The following ZFYVE28 variants were observed in gnomAD, a reference collection of about 807,000 sequenced individuals.
The protein encoded by ZFYVE28 is lateral signaling target protein 2 homolog.
Under a neutral mutation model 82.1 loss-of-function variants are expected in ZFYVE28, and 40 were observed. The observed-to-expected ratio is 0.49, with a 90% CI of 0.38 to 0.63. The LOEUF (loss-of-function observed/expected upper bound fraction) is 0.63, where lower values mean the gene tolerates loss of function less well. Ranked by LOEUF, ZFYVE28 falls within the 30% of genes least tolerant of loss-of-function variation. The pLI is 0.00. For synonymous variants in ZFYVE28, 612 were observed against 546.1 expected (o/e 1.12, Z -1.68); for missense variants, 1,321 against 1,242.1 (o/e 1.06, Z -0.96).
At chr4:2,403,455 G>A (rs920237907) in intron 1 of ZFYVE28, among the ~76,000 whole-genome samples, 3 of 152,236 alleles carry the variant, frequency 2.0e-5, no homozygotes, top group African/African-American at 7.2e-5. Context: ...CGTGGCGGGA[G>A]GACATAGCGC....
intron 8 of ZFYVE28, among the ~76,000 whole-genome samples, chr4:2,283,573 T>TCCAC (rs1712285555): frequency 6.7e-6 from 1 of 150,068 alleles, no homozygotes; most frequent in Non-Finnish European, 1.5e-5. Context: ...CAACCGTCCA[T>TCCAC]CCACCCATCC....
intron 1 of ZFYVE28, among the ~76,000 whole-genome samples, chr4:2,405,780 G>A (rs1037746568): frequency 1.3e-5 from 2 of 152,244 alleles, no homozygotes; most frequent in East Asian, 3.8e-4. Flanking sequence ...GGGCGCAGTG[G>A]CTCACGCCTA....
intron 9 of ZFYVE28, 30 bp from the exon 10 acceptor site, chr4:2,273,319 CAGA>C (rs1736085876): frequency 6.3e-7 from 1 of 1,590,482 alleles, no homozygotes; most frequent in Non-Finnish European, 8.6e-7. Flanking sequence ...GTAACCACGA[CAGA>C]AGGACGGATG....
Position 2,270,430 on chromosome 4 carries a change from C to T in ZFYVE28, c.*295G>A. ...ATAGCCCCAGCAGATCTCCGAGGGA[C>T]CAGTGGGAGGGCCCAGGCCTTCTCC... On this transcript the variant is annotated 3_prime_UTR_variant, in exon 13 of 13. Transcript: ENST00000290974. 2.2e-6 allele frequency: 1 copy of T among 459,482 alleles called. No homozygotes were observed. The highest frequency in any genetic ancestry group is 4.0e-6 in the Non-Finnish European group (1 of 249,722). The allele number at this position is 459,482 out of a possible 1,614,324, so 28.5% of individuals were successfully genotyped here. A position where few individuals can be genotyped will look rare whatever the true frequency, so the allele number is the denominator to read the frequency against.
chr4:2,324,086 A>G (rs1025341717), intron 6 of ZFYVE28, among the ~76,000 whole-genome samples: 6 of 152,344 alleles, frequency 3.9e-5, no homozygotes, highest in African/African-American at 1.4e-4. Flanking sequence ...CTAGAGAAAC[A>G]GAACAAGAGA....
intron 6 of ZFYVE28, among the ~76,000 whole-genome samples, chr4:2,324,183 C>T (rs612243): frequency 0.26 from 38,878 of 152,026 alleles, 6,002 homozygotes; most frequent in Middle Eastern, 0.39. Flanking sequence ...AGAGTTGACA[C>T]GGCAGCTCCA....
At chr4:2,396,099 CCAGCCATCCTGCAGA>C (rs1433952718) in intron 1 of ZFYVE28, among the ~76,000 whole-genome samples, 1 of 142,300 alleles carries the variant, frequency 7.0e-6, no homozygotes, top group Admixed American at 7.1e-5. Flanking sequence ...GCTGATGGGA[CCAGCCATCCTGCAGA>C]GGGGCCACAA....
In ZFYVE28 at chr4:2,271,214, G is replaced by A; in HGVS notation, c.2532+97C>T. On this transcript the variant is annotated intron_variant, in intron 12 of 12. Transcript: ENST00000290974. ...GCACAAGACCCCACAGGCCTCGCTG[G>A]CCTCCCTGGGCATCGGTTCTGACTT... 3 of 1,284,810 alleles carry A rather than the reference G, an allele frequency of 2.3e-6. No homozygotes were observed. In the South Asian group the frequency reaches 4.0e-5, roughly 17 times the overall value. 79.6% of individuals were successfully genotyped at this position (1,284,810 alleles called of 1,614,324 possible). A position where few individuals can be genotyped will look rare whatever the true frequency, so the allele number is the denominator to read the frequency against.
At chr4:2,288,675 G>T (rs1452518127) in intron 8 of ZFYVE28, among the ~76,000 whole-genome samples, 1 of 152,260 alleles carries the variant, frequency 6.6e-6, no homozygotes, top group Non-Finnish European at 1.5e-5. Context: ...TAGTTTACTT[G>T]TCTGTAAAAC....
intron 1 of ZFYVE28, among the ~76,000 whole-genome samples, chr4:2,404,867 T>C (rs1005591486): frequency 1.4e-5 from 2 of 145,444 alleles, no homozygotes; most frequent in African/African-American, 5.1e-5. Context: ...CTTTTTTTTT[T>C]TTTTTTTTTT....
rs13110406 is a variant in ZFYVE28 at position 2,339,718 on chromosome 4, A to G, written c.319-63T>C. The G allele has an allele frequency of 0.35, 521,083 of 1,475,350 alleles. 97,001 individuals carry two copies. The highest frequency in any genetic ancestry group is 0.61 in the African/African-American group (43,083 of 71,074). The allele number at this position is 1,475,350 out of a possible 1,614,324, so 91.4% of individuals were successfully genotyped here. On this transcript the variant is annotated intron_variant, in intron 3 of 12. Coordinates refer to ENST00000290974, the MANE Select transcript of ZFYVE28 (RefSeq NM_020972.3). The surrounding 1 kb of genome is among the most constrained non-coding windows in gnomAD (Gnocchi z 5.0). ...AGGGCCAGGCTCTCAGGGGTCGCCG[A>G]CCCGGGGAACCTGACTGCGCACCTC...
rs201053944 is a variant in ZFYVE28, at chr4:2,339,659, C to G, written c.319-4G>C. 2.1e-5 allele frequency: 34 copies of G among 1,589,362 alleles called. No individual in the cohort carries two copies. Among genetic ancestry groups the G allele is most frequent in the Non-Finnish European group, 2.9e-5 (34 of 1,169,316 alleles). On this transcript the variant is annotated splice_region_variant and splice_polypyrimidine_tract_variant and intron_variant, in intron 3 of 12. Transcript: ENST00000290974. This position sits in a 1 kb window ranked among gnomAD's most constrained non-coding sequence, Gnocchi z 5.0. ...TGATGGAGCCGGCGGCCAGGCACTGCGGGAGGGGACACACTCAGGGAGGGG... is the reference window on the plus strand; with the variant it reads ...TGATGGAGCCGGCGGCCAGGCACTGGGGGAGGGGACACACTCAGGGAGGGG...
chr4:2,364,255 G>C (rs1003482357), intron 1 of ZFYVE28, among the ~76,000 whole-genome samples: 1 of 152,136 alleles, frequency 6.6e-6, no homozygotes, highest in Non-Finnish European at 1.5e-5. Context: ...ACCAGGGCTC[G>C]GTGCTGAGCC....
In ZFYVE28 at chr4:2,334,487, A is replaced by G. The variant is rs944689451; in HGVS notation, c.701+1218T>C. On this transcript the variant is annotated intron_variant, in intron 6 of 12. Transcript: ENST00000290974. ...TCCCACCTCTGCACCCCCATTTCCC[A>G]CGGGAGGGGTATCCATGCTCAACCC... Among the ~76,000 whole-genome samples, 141 of 150,480 alleles carry G rather than the reference A, an allele frequency of 9.4e-4. 2 individuals carry two copies. The highest frequency in any genetic ancestry group is 2.0e-4 in the Admixed American group (3 of 15,162).
intron 6 of ZFYVE28, chr4:2,331,044 G>C (rs1224275866): frequency 2.0e-6 from 3 of 1,495,478 alleles, no homozygotes; most frequent in Middle Eastern, 1.8e-4. Context: ...GCTGGAAGGA[G>C]GGGGCTGGGG....
Position 2,320,069 on chromosome 4 carries a change from A to C in ZFYVE28, c.803+101T>G, listed in dbSNP as rs1718843940. ...AACCAGCCCATCCTTCCTCACAGAG[A>C]GGAGGAGGACCTGGAGGCGGCGGCT... On this transcript the variant is annotated intron_variant, in intron 7 of 12. Coordinates refer to ENST00000290974, the MANE Select transcript of ZFYVE28 (RefSeq NM_020972.3). This position sits in a 1 kb window ranked among gnomAD's most constrained non-coding sequence, Gnocchi z 5.1. The C allele has an allele frequency of 1.9e-6, 2 of 1,074,584 alleles. No homozygotes were observed. The highest frequency in any genetic ancestry group is 2.8e-6 in the Non-Finnish European group (2 of 716,692). The allele number at this position is 1,074,584 out of a possible 1,614,324, so 66.6% of individuals were successfully genotyped here.
intron 1 of ZFYVE28, among the ~76,000 whole-genome samples, chr4:2,401,543 A>C (rs1894430): frequency 4.0e-5 from 6 of 151,514 alleles, no homozygotes; most frequent in East Asian, 3.9e-4. Context: ...GCCCCACCCC[A>C]GGCCCTCCCC....
intron 7 of ZFYVE28, among the ~76,000 whole-genome samples, chr4:2,316,719 G>T: frequency 1.3e-5 from 2 of 150,000 alleles, no homozygotes; most frequent in South Asian, 2.1e-4. Flanking sequence ...TTGAGATGGA[G>T]TCTCGCTCTG....
chr4:2,418,165 T>TG lies in ZFYVE28; in HGVS notation c.39+119dup. 1.2e-6 allele frequency: 1 copy of TG among 838,296 alleles called. No homozygotes were observed. Among genetic ancestry groups the TG allele is most frequent in the South Asian group, 1.9e-5 (1 of 51,334 alleles). 51.9% of individuals were successfully genotyped at this position (838,296 alleles called of 1,614,324 possible). A position where few individuals can be genotyped will look rare whatever the true frequency, so the allele number is the denominator to read the frequency against. On this transcript the variant is annotated intron_variant, in intron 1 of 12. Coordinates refer to ENST00000290974, the MANE Select transcript of ZFYVE28 (RefSeq NM_020972.3). The surrounding 1 kb of genome is among the most constrained non-coding windows in gnomAD (Gnocchi z 4.6). ...GGAGTGGAGGGAAGGATGTCGGCGG[T>TG]GGGGGAAGAGGCCGGCCACGGACAG... is the stretch of plus-strand genomic sequence containing the variant.
Sources: allele counts gnomAD v4.1 joint callset (sites outside exome capture counted in the v4.1 genomes callset), GRCh38; gene constraint gnomAD v4.1.1; non-coding constraint Gnocchi (gnomAD v3.1); transcripts MANE v1.5; gene names NCBI Gene and HGNC (gene_info 2026-07-23, HGNC 2026-07-21).